Variants in SLMAP observed in about 807,000 individuals in gnomAD.
The protein encoded by SLMAP is sarcolemmal membrane-associated protein.
In SLMAP, 44 loss-of-function variants were observed where a neutral mutation model predicts 128.8. The ratio of observed to expected loss-of-function variants is 0.34; its 90% confidence interval spans 0.27 to 0.44. The LOEUF is 0.44. Ranked by LOEUF, SLMAP falls within the 20% of genes least tolerant of loss-of-function variation. SLMAP has a pLI of 1.00. For synonymous variants in SLMAP, 327 were observed against 348.8 expected (o/e 0.94, Z 0.70); for missense variants, 787 against 985.3 (o/e 0.80, Z 2.69).
chr3:57,874,626 G>A (rs189708735), intron 14 of SLMAP, among the ~76,000 whole-genome samples: 6 of 151,596 alleles, frequency 4.0e-5, no homozygotes, highest in Admixed American at 2.0e-4. Context: ...TTGGGAGGCC[G>A]AGACTGGTGG....
Position 57,927,346 on chromosome 3 carries a change from C to T in SLMAP, c.*57C>T, listed in dbSNP as rs200994109. 1.1e-4 allele frequency: 174 copies of T among 1,607,280 alleles called. No homozygotes were observed. Among genetic ancestry groups the T allele is most frequent in the Non-Finnish European group, 1.3e-4 (154 of 1,175,534 alleles). ...TGGCTGCCCTGGTTGCAGTAACAGC[C>T]ATCGTGCTGTACGTGCCAGGTCTGG... On this transcript the variant is annotated 3_prime_UTR_variant, in exon 25 of 25. Transcript: ENST00000671191.
At chr3:57,817,316 T>C (rs772213145) in intron 2 of SLMAP, among the ~76,000 whole-genome samples, 4 of 152,154 alleles carry the variant, frequency 2.6e-5, no homozygotes, top group Non-Finnish European at 1.5e-5. Flanking sequence ...TTATTACTGA[T>C]AGTATTATTA....
At chr3:57,769,488 C>T (rs1037199277) in intron 2 of SLMAP, among the ~76,000 whole-genome samples, 6 of 151,948 alleles carry the variant, frequency 3.9e-5, no homozygotes, top group African/African-American at 9.7e-5. Flanking sequence ...CCACCGCGCC[C>T]GGCTGGATTT....
At chr3:57,802,827 ATTC>A (rs898485231) in intron 2 of SLMAP, among the ~76,000 whole-genome samples, 14 of 152,298 alleles carry the variant, frequency 9.2e-5, no homozygotes, top group African/African-American at 3.4e-4. Context: ...TTTGTGTACA[ATTC>A]TTTGTGTCTC....
At chr3:57,818,956 A>G (rs2092231740) in intron 2 of SLMAP, among the ~76,000 whole-genome samples, 1 of 152,190 alleles carries the variant, frequency 6.6e-6, no homozygotes, top group Non-Finnish European at 1.5e-5. Context: ...ATATCATGAG[A>G]GGTGTTTGAA....
At chr3:57,836,227 G>C (rs776372359) in intron 3 of SLMAP, among the ~76,000 whole-genome samples, 8 of 152,074 alleles carry the variant, frequency 5.3e-5, no homozygotes, top group Non-Finnish European at 4.4e-5. Context: ...TGGGAGGGAA[G>C]AAGGAATAGA....
intron 3 of SLMAP, among the ~76,000 whole-genome samples, chr3:57,839,600 C>G (rs2093823130): frequency 6.6e-6 from 1 of 150,648 alleles, no homozygotes; most frequent in South Asian, 2.1e-4. Context: ...TGCCACCATA[C>G]CGGCTATTTT....
At chr3:57,869,033 T>G (rs1236927567) in intron 13 of SLMAP, among the ~76,000 whole-genome samples, 8 of 138,904 alleles carry the variant, frequency 5.8e-5, no homozygotes, top group African/African-American at 2.1e-4. Flanking sequence ...GTATTATATA[T>G]ATAATATATA....
intron 13 of SLMAP, among the ~76,000 whole-genome samples, chr3:57,868,795 AATATATAT>A (rs3037511): frequency 0.61 from 75,416 of 124,536 alleles, 23,091 homozygotes; most frequent in East Asian, 0.97. Flanking sequence ...GAACTAATGG[AATATATAT>A]ATATATATAT....
At chr3:57,882,594 A>G (rs562474854) in intron 14 of SLMAP, among the ~76,000 whole-genome samples, 4 of 152,222 alleles carry the variant, frequency 2.6e-5, no homozygotes, top group African/African-American at 7.2e-5. Flanking sequence ...TTCTGCCATT[A>G]TAAGGGAAAT....
At chr3:57,906,438 C>T (rs144058266) in intron 17 of SLMAP, among the ~76,000 whole-genome samples, 6 of 147,468 alleles carry the variant, frequency 4.1e-5, no homozygotes, top group African/African-American at 1.5e-4. Context: ...GCCTCAGCCT[C>T]CTGAGTAGCT....
intron 2 of SLMAP, among the ~76,000 whole-genome samples, chr3:57,785,085 AAAAC>A (rs1019483126): frequency 2.6e-5 from 4 of 152,238 alleles, no homozygotes; most frequent in African/African-American, 7.2e-5. Flanking sequence ...ATAGCAATAC[AAAAC>A]AAACAAGTAT....
intron 15 of SLMAP, among the ~76,000 whole-genome samples, chr3:57,892,380 T>C (rs1272469475): frequency 6.6e-6 from 1 of 152,180 alleles, no homozygotes; most frequent in African/African-American, 2.4e-5. Context: ...GTTTAATCTC[T>C]AACTCAACTT....
intron 23 of SLMAP, 96 bp downstream of exon 23, chr3:57,923,119 A>G: frequency 1.8e-6 from 2 of 1,100,780 alleles, no homozygotes; most frequent in South Asian, 2.9e-5. Context: ...TGTGAAGCAA[A>G]TGGTACAGAT....
At chr3:57,850,497 C>T (rs1240057652) in intron 6 of SLMAP, among the ~76,000 whole-genome samples, 1 of 152,124 alleles carries the variant, frequency 6.6e-6, no homozygotes, top group African/African-American at 2.4e-5. Flanking sequence ...GAACTCACTA[C>T]AGCCTCGAAC....
chr3:57,920,565 G>A (rs1411725299), intron 22 of SLMAP, among the ~76,000 whole-genome samples: 5 of 152,030 alleles, frequency 3.3e-5, no homozygotes, highest in Non-Finnish European at 7.4e-5. Context: ...TTCCTTTATT[G>A]AAGAATTTCT....
At position 57,774,101 on chromosome 3, in the gene SLMAP, T is replaced by C. The variant is rs189237610; in HGVS notation, c.198+16252T>C. On this transcript the variant is annotated intron_variant, in intron 2 of 24. Coordinates refer to ENST00000671191, the MANE Select transcript of SLMAP (RefSeq NM_001377540.1). ...CTTCAGAACTTCAGTATGAAATATA[T>C]TTTAAAACATAACACCTATGTAGTA... Among the ~76,000 whole-genome samples the C allele has an allele frequency of 7.2e-3, 1,101 of 152,324 alleles. 7 individuals are homozygous for C. The highest frequency in any genetic ancestry group is 0.012 in the Non-Finnish European group (814 of 68,026).
intron 2 of SLMAP, among the ~76,000 whole-genome samples, chr3:57,830,183 T>C (rs1206501673): frequency 6.6e-6 from 1 of 152,060 alleles, no homozygotes; most frequent in East Asian, 1.9e-4. Context: ...TACAGGCACG[T>C]GCCACCACAC....
At chr3:57,903,852 C>T (rs1289269527) in intron 17 of SLMAP, among the ~76,000 whole-genome samples, 1 of 152,168 alleles carries the variant, frequency 6.6e-6, no homozygotes, top group East Asian at 1.9e-4. Context: ...CATCTAAACG[C>T]TTTTCCACCA....
Sources: gnomAD v4.1 joint callset for allele counts (sites outside exome capture counted in the v4.1 genomes callset) on GRCh38, gnomAD v4.1.1 for gene constraint, MANE v1.5 for transcripts, NCBI Gene and HGNC (gene_info 2026-07-23, HGNC 2026-07-21) for gene names.